The following DLC1 variants were observed in gnomAD, a reference collection of about 807,000 sequenced individuals.
The protein encoded by DLC1 is rho GTPase-activating protein 7.
DLC1 carries 54 observed loss-of-function variants against 140.3 expected under a neutral mutation model. The observed-to-expected ratio is 0.38, with a 90% CI of 0.31 to 0.48. DLC1 has a LOEUF of 0.48. DLC1 is among the 20% of genes least tolerant of loss of function. DLC1 has a pLI of 0.96. For synonymous variants in DLC1, 986 were observed against 728.1 expected, an observed-to-expected ratio of 1.35 and a Z score of -5.70; for missense variants, 2,536 against 1,907.0, an observed-to-expected ratio of 1.33 and a Z score of -6.14.
intron 4 of DLC1, chr8:13,353,310 C>T (rs1277454173): frequency 6.6e-6 from 1 of 152,110 alleles, no homozygotes; most frequent in Non-Finnish European, 1.5e-5. Flanking sequence ...GTGGCATTTC[C>T]TCTGAGTCAG....
chr8:13,571,283 A>G (rs1804645109), intron 1 of DLC1, among the ~76,000 whole-genome samples: 1 of 152,160 alleles, frequency 6.6e-6, no homozygotes, highest in East Asian at 1.9e-4. Flanking sequence ...CATGACATCC[A>G]TAATGTTGTG....
chr8:13,120,274 C>T (rs956519405), intron 5 of DLC1, among the ~76,000 whole-genome samples: 12 of 142,932 alleles, frequency 8.4e-5, no homozygotes, highest in African/African-American at 2.3e-4. Context: ...ACCGGGGAGG[C>T]GGAGGTGGCA....
At chr8:13,215,847 G>A (rs1180985632) in intron 5 of DLC1, among the ~76,000 whole-genome samples, 1 of 152,116 alleles carries the variant, frequency 6.6e-6, no homozygotes, top group Non-Finnish European at 1.5e-5. Flanking sequence ...GCAAGCCCGT[G>A]GAGTAATCTA....
chr8:13,336,331 A>C (rs184785162), intron 4 of DLC1, among the ~76,000 whole-genome samples: 97 of 152,322 alleles, frequency 6.4e-4, no homozygotes, highest in African/African-American at 2.1e-3. Flanking sequence ...CAGTGGTAGA[A>C]ATTCTAAAGT....
intron 4 of DLC1, among the ~76,000 whole-genome samples, chr8:13,326,759 G>C (rs1182767960): frequency 6.6e-6 from 1 of 152,166 alleles, no homozygotes; most frequent in African/African-American, 2.4e-5. Flanking sequence ...TTAGATCAAG[G>C]GTGGGGCTGA....
intron 5 of DLC1, among the ~76,000 whole-genome samples, chr8:13,123,499 A>ATGAGCTAAT (rs1563644765): frequency 6.7e-6 from 1 of 150,226 alleles, no homozygotes; most frequent in African/African-American, 2.5e-5. Context: ...CGCCACCACA[A>ATGAGCTAAT]TGAGCTAATT....
At chr8:13,176,501 C>T (rs902859357) in intron 5 of DLC1, among the ~76,000 whole-genome samples, 16 of 152,144 alleles carry the variant, frequency 1.1e-4, no homozygotes, top group African/African-American at 3.4e-4. Flanking sequence ...ATGGTGTGAA[C>T]CCGGCAGGTG....
chr8:13,180,065 T>C (rs1034144937), intron 5 of DLC1, among the ~76,000 whole-genome samples: 1 of 152,194 alleles, frequency 6.6e-6, no homozygotes, highest in Non-Finnish European at 1.5e-5. Flanking sequence ...TGGAATCGTA[T>C]GTAGTATTAG....
chr8:13,093,258 G>C (rs4831870), intron 12 of DLC1, among the ~76,000 whole-genome samples: 103,521 of 152,016 alleles, frequency 0.68, 38,760 homozygotes, highest in East Asian at 0.86. Context: ...CGTAAGAACA[G>C]AGATCTCTCA....
intron 4 of DLC1, among the ~76,000 whole-genome samples, chr8:13,327,120 ATTTTTTTTTTTTTTTT>A (rs34667525): frequency 2.3e-5 from 2 of 85,660 alleles, no homozygotes; most frequent in African/African-American, 8.7e-5. Context: ...ACACCCGGCT[ATTTTTTTTTTTTTTTT>A]TTTTTTTTTT....
intron 4 of DLC1, among the ~76,000 whole-genome samples, chr8:13,310,346 TG>T (rs140541167): frequency 0.051 from 7,756 of 152,324 alleles, 247 homozygotes; most frequent in South Asian, 0.12. Context: ...GAAAAATCAG[TG>T]ACAGAGTAAT....
chr8:13,589,985 C>T (rs1805462995), intron 1 of DLC1, among the ~76,000 whole-genome samples: 1 of 150,896 alleles, frequency 6.6e-6, no homozygotes, highest in African/African-American at 2.4e-5. Context: ...TTGTTATTTT[C>T]AAAATTTCAA....
intron 5 of DLC1, among the ~76,000 whole-genome samples, chr8:13,264,587 C>T (rs944224896): frequency 1.3e-4 from 19 of 151,730 alleles, no homozygotes; most frequent in African/African-American, 3.9e-4. Context: ...TCAGGGGGAG[C>T]GGGAGAGGAG....
intron 2 of DLC1, among the ~76,000 whole-genome samples, chr8:13,473,131 G>A (rs4376497): frequency 0.47 from 70,830 of 151,926 alleles, 16,676 homozygotes; most frequent in African/African-American, 0.49. Context: ...GAGACACCCA[G>A]TGTTCAGGTA....
At chr8:13,098,019 T>A (rs10103725) in intron 10 of DLC1, among the ~76,000 whole-genome samples, 138,362 of 138,368 alleles carry the variant, frequency 1, 69,178 homozygotes, top group Middle Eastern at 1. Flanking sequence ...CCCCATCTCT[T>A]CAAAAAGGAA....
intron 2 of DLC1, among the ~76,000 whole-genome samples, chr8:13,408,606 G>A (rs1339822724): frequency 1.3e-5 from 2 of 152,114 alleles, no homozygotes; most frequent in East Asian, 3.9e-4. Flanking sequence ...TTTGGGGACT[G>A]GGATATAATT....
intron 2 of DLC1, among the ~76,000 whole-genome samples, chr8:13,446,953 AG>A (rs1798804020): frequency 6.6e-6 from 1 of 151,750 alleles, no homozygotes; most frequent in Non-Finnish European, 1.5e-5. Context: ...AAAAAAAAAA[AG>A]AAGGAAGGAA....
At chr8:13,594,118 G>C (rs965228517) in intron 1 of DLC1, among the ~76,000 whole-genome samples, 2 of 151,948 alleles carry the variant, frequency 1.3e-5, no homozygotes, top group African/African-American at 4.8e-5. Context: ...TCATGATCTT[G>C]TAACTGCACT....
chr8:13,120,356 A>AAAAAAAAAAATAT lies in DLC1; in HGVS notation c.1349-4700_1349-4699insATATTTTTTTTTT. 6.4e-4 allele frequency among the ~76,000 whole-genome samples: 39 copies of AAAAAAAAAAATAT among 61,116 alleles called. 1 individual carries two copies. The highest frequency in any genetic ancestry group is 1.6e-3 in the African/African-American group (39 of 24,054). The allele number at this position is 61,116 out of a possible 152,430, so 40.1% of individuals were successfully genotyped here. A position where few individuals can be genotyped will look rare whatever the true frequency, so the allele number is the denominator to read the frequency against. On this transcript the variant is annotated intron_variant, in intron 5 of 17. Coordinates refer to ENST00000276297, the MANE Select transcript of DLC1 (RefSeq NM_182643.3). ...AGACTCCGTCGCAAAAAAAAAAAAA[A>AAAAAAAAAAATAT]ATATATATATATATAAAATGTATAT...
Sources: allele counts gnomAD v4.1 joint callset (sites outside exome capture counted in the v4.1 genomes callset), GRCh38; gene constraint gnomAD v4.1.1; transcripts MANE v1.5; gene names NCBI Gene and HGNC (gene_info 2026-07-23, HGNC 2026-07-21).